Variants in CTNNA2 observed in about 807,000 individuals in gnomAD.
CTNNA2 encodes catenin alpha 2.
Under a neutral mutation model 101.0 loss-of-function variants are expected in CTNNA2, and 42 were observed. The observed-to-expected ratio is 0.42, with a 90% CI of 0.32 to 0.54. The LOEUF is 0.54. Among genes scored for constraint, CTNNA2 ranks in the 20% least tolerant of loss-of-function variants. The probability of loss-of-function intolerance (pLI) is 0.14; values close to 1 mark genes in which losing one functional copy is unlikely to be tolerated. For synonymous variants in CTNNA2, 450 were observed against 456.4 expected (o/e 0.99, Z 0.18); for missense variants, 871 against 1,223.1 (o/e 0.71, Z 4.29).
chr2:79,293,880 C>T (rs937964332), intron 2 of CTNNA2, among the ~76,000 whole-genome samples: 3 of 152,058 alleles, frequency 2.0e-5, no homozygotes, highest in African/African-American at 7.2e-5. Flanking sequence ...AATGTGACCT[C>T]GGATAAGTCT....
chr2:79,675,920 AG>A (rs1402572076), intron 2 of CTNNA2, among the ~76,000 whole-genome samples: 1 of 152,216 alleles, frequency 6.6e-6, no homozygotes, highest in Non-Finnish European at 1.5e-5. Flanking sequence ...AATCAATGTC[AG>A]GTACATCCTA....
At chr2:80,256,715 T>C (rs1672188473) in intron 7 of CTNNA2, among the ~76,000 whole-genome samples, 1 of 152,188 alleles carries the variant, frequency 6.6e-6, no homozygotes, top group Non-Finnish European at 1.5e-5. Context: ...TGCGGCGATC[T>C]GGAATGTTTC....
intron 7 of CTNNA2, among the ~76,000 whole-genome samples, chr2:79,993,605 TA>T (rs59362634): frequency 0.17 from 25,607 of 152,084 alleles, 2,278 homozygotes; most frequent in African/African-American, 0.22. Flanking sequence ...GTGGCACTGT[TA>T]GGGGAGGGAT....
intron 7 of CTNNA2, among the ~76,000 whole-genome samples, chr2:80,378,236 A>G (rs2149344280): frequency 6.6e-6 from 1 of 152,092 alleles, no homozygotes; most frequent in South Asian, 2.1e-4. Context: ...CGCGCCTTTA[A>G]TCCCAGCTAC....
rs143469721 is a variant in CTNNA2 at position 79,544,830 on chromosome 2, C to T, written c.-6+31623C>T. On this transcript the variant is annotated intron_variant, in intron 1 of 18. Transcript: ENST00000402739. ...TTGCTTGAGCTCTGGGTGAACTTCC[C>T]AGCTCAGGTAGACTGACTTTGGAAG... 4.3e-3 allele frequency among the ~76,000 whole-genome samples: 660 copies of T among 152,146 alleles called. 5 individuals carry two copies. The highest frequency in any genetic ancestry group is 0.015 in the African/African-American group (620 of 41,518).
At chr2:79,989,233 G>T (rs1691989281) in intron 7 of CTNNA2, among the ~76,000 whole-genome samples, 1 of 152,156 alleles carries the variant, frequency 6.6e-6, no homozygotes, top group African/African-American at 2.4e-5. Context: ...AAACAAAAAT[G>T]TTGGGTCTAT....
At position 79,264,317 on chromosome 2, in the gene CTNNA2, T is replaced by C. The variant is rs146932593; in HGVS notation, c.-405-48392T>C. On this transcript the variant is annotated intron_variant, in intron 2 of 21. Transcript: ENST00000466387. Reference sequence around the variant, plus strand: ...GTAGTAGAGATGATGCTTTAAGCCATACATGTAAAGTACTTTAAAATACGC... The same window carrying C: ...GTAGTAGAGATGATGCTTTAAGCCACACATGTAAAGTACTTTAAAATACGC... Among the ~76,000 whole-genome samples the C allele has an allele frequency of 2.0e-3, 309 of 152,302 alleles. 1 individual carries two copies. Among genetic ancestry groups the C allele is most frequent in the African/African-American group, 7.2e-3 (300 of 41,580 alleles).
intron 9 of CTNNA2, among the ~76,000 whole-genome samples, chr2:80,478,483 G>A (rs1274906801): frequency 6.6e-6 from 1 of 152,104 alleles, no homozygotes; most frequent in East Asian, 1.9e-4. Context: ...GACCAGAAGA[G>A]TTTTTCATAG....
Position 80,303,728 on chromosome 2 carries a change from A to C in CTNNA2, c.1057-89483A>C. 1 of 1,604,022 alleles carries C rather than the reference A, an allele frequency of 6.2e-7. No homozygotes were observed. The highest frequency in any genetic ancestry group is 8.5e-7 in the Non-Finnish European group (1 of 1,175,136). On this transcript the variant is annotated intron_variant, in intron 7 of 18. Transcript: ENST00000402739. This position sits in a 1 kb window ranked among gnomAD's most constrained non-coding sequence, Gnocchi z 7.7. ...GCACCCGCTGGGGGCGGCGGGCAGC[A>C]TCTGAAAGCAGGCCCCCAGCAGACA...
At chr2:79,901,290 C>T (rs1685055226) in intron 6 of CTNNA2, among the ~76,000 whole-genome samples, 1 of 151,226 alleles carries the variant, frequency 6.6e-6, no homozygotes, top group Non-Finnish European at 1.5e-5. Flanking sequence ...CTTTCTTCTG[C>T]TTGCTTGATT....
In CTNNA2 at chr2:80,596,279, G is replaced by GTTTT. The variant is rs60132060; in HGVS notation, c.2189+6839_2189+6842dup. On this transcript the variant is annotated intron_variant, in intron 15 of 18. Transcript: ENST00000402739. ...AGTTTTTTTGGGCTGAGACAAGGTT[G>GTTTT]TTTTTTTTTTTTTTTTTTTTTTTTT... 3.4e-4 allele frequency among the ~76,000 whole-genome samples: 12 copies of GTTTT among 35,324 alleles called. 3 individuals carry two copies. The highest frequency in any genetic ancestry group is 1.3e-3 in the Admixed American group (3 of 2,318). 23.2% of individuals were successfully genotyped at this position (35,324 alleles called of 152,430 possible).
chr2:80,647,440 C>CT, intron 18 of CTNNA2, 145 bp from the exon 19 acceptor site: 1 of 681,862 alleles, frequency 1.5e-6, no homozygotes, highest in South Asian at 2.5e-5. Flanking sequence ...TTTTAAAAAC[C>CT]TTAACTTGTG....
intron 2 of CTNNA2, among the ~76,000 whole-genome samples, chr2:79,717,373 AAT>A (rs1156815141): frequency 3.3e-5 from 5 of 152,192 alleles, no homozygotes. Context: ...ACTGTGAAGA[AAT>A]AGCGAAAGGC....
chr2:80,595,711 C>T (rs560281437), intron 15 of CTNNA2, among the ~76,000 whole-genome samples: 1 of 152,038 alleles, frequency 6.6e-6, no homozygotes, highest in South Asian at 2.1e-4. Context: ...CTGTTATGTT[C>T]TGTTGGTGTA....
At chr2:80,337,807 A>G (rs955031092) in intron 7 of CTNNA2, among the ~76,000 whole-genome samples, 1 of 152,182 alleles carries the variant, frequency 6.6e-6, no homozygotes, top group Non-Finnish European at 1.5e-5. Flanking sequence ...GTCAAAAGGT[A>G]GAGACAAGTC....
At chr2:80,330,691 G>T (rs1025518782) in intron 7 of CTNNA2, among the ~76,000 whole-genome samples, 3 of 152,106 alleles carry the variant, frequency 2.0e-5, no homozygotes, top group Non-Finnish European at 2.9e-5. Context: ...TTCAGAAGCT[G>T]CCTTCCAGGG....
chr2:80,261,059 A>G (rs978649839), intron 7 of CTNNA2, among the ~76,000 whole-genome samples: 14 of 152,172 alleles, frequency 9.2e-5, no homozygotes, highest in African/African-American at 3.4e-4. Context: ...ACGGTTCTAA[A>G]CATTTCCAGT....
rs142032962 is a variant in CTNNA2 at position 79,340,328 on chromosome 2, G to T, written c.-318+27532G>T. On this transcript the variant is annotated intron_variant, in intron 3 of 21. Coordinates refer to the CTNNA2 transcript ENST00000466387. ...GGTCATGTGGTCCCCATCAGTAAAG[G>T]TGATTAAGGAGAAATTAAACGCACA... 3.6e-3 allele frequency among the ~76,000 whole-genome samples: 552 copies of T among 152,262 alleles called. 2 individuals are homozygous for T. Among genetic ancestry groups the T allele is most frequent in the Non-Finnish European group, 3.7e-3 (252 of 68,030 alleles).
intron 3 of CTNNA2, among the ~76,000 whole-genome samples, chr2:79,361,374 GA>G (rs962220919): frequency 6.6e-6 from 1 of 151,570 alleles, no homozygotes; most frequent in Non-Finnish European, 1.5e-5. Flanking sequence ...CCATTTGGCA[GA>G]AAAAAAAGGT....
Sources: gnomAD v4.1 joint callset for allele counts (sites outside exome capture counted in the v4.1 genomes callset) on GRCh38, gnomAD v4.1.1 for gene constraint, Gnocchi (gnomAD v3.1) non-coding constraint, MANE v1.5 for transcripts, NCBI Gene and HGNC (gene_info 2026-07-23, HGNC 2026-07-21) for gene names.